METTL15: variants seen among roughly 807,000 people sequenced by gnomAD.
The protein encoded by METTL15 is methyltransferase 15, mitochondrial 12S rRNA N4-cytidine.
In METTL15, 34 loss-of-function variants were observed where a neutral mutation model predicts 38.3. The ratio of observed to expected loss-of-function variants is 0.89; its 90% CI spans 0.68 to 1.18. The LOEUF (loss-of-function observed/expected upper bound fraction) is 1.18. Ranked by LOEUF, METTL15 falls within the 50% of genes most tolerant of loss-of-function variation. METTL15 has a pLI of 0.00. For missense variants in METTL15, 438 were observed against 498.4 expected (o/e 0.88, Z 1.15); for synonymous variants, 162 against 170.9 (o/e 0.95, Z 0.41).
intron 3 of METTL15, among the ~76,000 whole-genome samples, chr11:28,156,411 A>C (rs547819665): frequency 3.3e-5 from 5 of 151,974 alleles, no homozygotes; most frequent in Admixed American, 1.3e-4. Flanking sequence ...TGTGTTAAGA[A>C]AGTGTATATT....
intron 4 of METTL15, among the ~76,000 whole-genome samples, chr11:28,246,978 C>T (rs531875997): frequency 1.3e-5 from 2 of 152,186 alleles, no homozygotes; most frequent in South Asian, 4.2e-4. Context: ...ATATAAATTG[C>T]CTCTTTCACT....
intron 4 of METTL15, among the ~76,000 whole-genome samples, chr11:28,266,395 T>C (rs1030941769): frequency 6.6e-6 from 1 of 152,168 alleles, no homozygotes; most frequent in Non-Finnish European, 1.5e-5. Flanking sequence ...AATGATGAGT[T>C]CATGTCCTTT....
intron 3 of METTL15, among the ~76,000 whole-genome samples, chr11:28,184,449 G>A (rs981675077): frequency 1.3e-5 from 2 of 151,836 alleles, no homozygotes; most frequent in Admixed American, 1.3e-4. Flanking sequence ...CAGAGATTCT[G>A]GTACGTTGTG....
rs1265032003 is a variant in METTL15 at position 28,161,120 on chromosome 11, TTTTTTTG to T, written c.270+47531_270+47537del. ...GTTTGCACCTTCCTTTTTTTTTTTT[TTTTTTTG>T]TTTTTTGTTTTTTGAGACTGTGTCT... On this transcript the variant is annotated intron_variant, in intron 3 of 6. Transcript: ENST00000407364. Among the ~76,000 whole-genome samples the T allele has an allele frequency of 1.3e-4, 11 of 86,598 alleles. No individual in the cohort carries two copies. The South Asian group carries it at 1.9e-3, about 15-fold the overall frequency. 56.8% of individuals were successfully genotyped at this position (86,598 alleles called of 152,430 possible).
At position 28,503,681 on chromosome 11, in the gene METTL15, C is replaced by T. The variant is rs560197868; in HGVS notation, c.*425-22797C>T. On this transcript the variant is annotated intron_variant and NMD_transcript_variant, in intron 6 of 7. Coordinates refer to the METTL15 transcript ENST00000532947. ...TGGCACGCACCTGTAATCCCAGCTACTCTGGGGGCTGAGGCAGGAGAATTG... is the reference window on the plus strand; with the variant it reads ...TGGCACGCACCTGTAATCCCAGCTATTCTGGGGGCTGAGGCAGGAGAATTG... 2.6e-5 allele frequency among the ~76,000 whole-genome samples: 4 copies of T among 151,976 alleles called. No homozygotes were observed. In the South Asian group the frequency reaches 6.2e-4, roughly 24 times the overall value.
intron 3 of METTL15, among the ~76,000 whole-genome samples, chr11:28,141,012 C>T (rs769732265): frequency 2.0e-4 from 31 of 152,226 alleles, no homozygotes; most frequent in Non-Finnish European, 3.5e-4. Context: ...TCTTCTTGCC[C>T]GATGCCCAGA....
intron 6 of METTL15, among the ~76,000 whole-genome samples, chr11:28,520,910 A>G (rs1479672287): frequency 3.9e-5 from 6 of 152,222 alleles, no homozygotes; most frequent in African/African-American, 1.2e-4. Flanking sequence ...CTGGATTCTA[A>G]CTTATGAAAA....
At chr11:28,180,402 C>T (rs1851239763) in intron 3 of METTL15, among the ~76,000 whole-genome samples, 1 of 151,828 alleles carries the variant, frequency 6.6e-6, no homozygotes, top group Admixed American at 6.6e-5. Context: ...AAAATATAGT[C>T]TGTTTTTATT....
At chr11:28,232,572 T>C (rs1461604669) in intron 4 of METTL15, among the ~76,000 whole-genome samples, 2 of 151,822 alleles carry the variant, frequency 1.3e-5, no homozygotes, top group Non-Finnish European at 2.9e-5. Flanking sequence ...TAAAAAGTAC[T>C]TTTTATATGA....
chr11:28,290,740 A>G (rs962010443), intron 5 of METTL15, among the ~76,000 whole-genome samples: 4 of 152,138 alleles, frequency 2.6e-5, no homozygotes, highest in African/African-American at 9.6e-5. Context: ...TGCATGCCCA[A>G]CTATGCCTCT....
At chr11:28,291,231 G>T (rs533477217) in intron 5 of METTL15, among the ~76,000 whole-genome samples, 6 of 152,004 alleles carry the variant, frequency 3.9e-5, no homozygotes, top group African/African-American at 1.4e-4. Context: ...TGTATTAGTA[G>T]AGACGGAGTT....
intron 4 of METTL15, among the ~76,000 whole-genome samples, chr11:28,259,083 G>A (rs1366375235): frequency 6.6e-6 from 1 of 152,010 alleles, no homozygotes. Context: ...TGGCTCTCCA[G>A]TTAACAGGTA....
intron 6 of METTL15, among the ~76,000 whole-genome samples, chr11:28,439,510 C>T (rs1361203432): frequency 1.3e-5 from 2 of 152,182 alleles, no homozygotes; most frequent in African/African-American, 2.4e-5. Context: ...AGTATCTTGT[C>T]TCATTGTGTA....
intron 5 of METTL15, among the ~76,000 whole-genome samples, chr11:28,387,950 A>C (rs990683801): frequency 2.0e-5 from 3 of 152,170 alleles, no homozygotes; most frequent in Admixed American, 2.0e-4. Flanking sequence ...GACAAAATTT[A>C]CATGATCATC....
At chr11:28,270,713 T>G (rs1349389176) in intron 4 of METTL15, among the ~76,000 whole-genome samples, 1 of 152,338 alleles carries the variant, frequency 6.6e-6, no homozygotes, top group East Asian at 1.9e-4. Context: ...TAACTCAATG[T>G]CTGGCACATA....
intron 6 of METTL15, among the ~76,000 whole-genome samples, chr11:28,466,036 CAG>C (rs755222729): frequency 2.6e-5 from 4 of 152,140 alleles, no homozygotes; most frequent in Admixed American, 6.5e-5. Flanking sequence ...TTGCATGAGA[CAG>C]AAACTTAGCT....
At chr11:28,376,632 T>G (rs1167051060) in intron 5 of METTL15, among the ~76,000 whole-genome samples, 7 of 152,216 alleles carry the variant, frequency 4.6e-5, no homozygotes, top group African/African-American at 1.7e-4. Flanking sequence ...GTCTGTGTCT[T>G]TTAATTGGAG....
At chr11:28,298,058 C>T (rs1484772359) in intron 6 of METTL15, among the ~76,000 whole-genome samples, 2 of 151,874 alleles carry the variant, frequency 1.3e-5, no homozygotes, top group Non-Finnish European at 2.9e-5. Flanking sequence ...AGCCACATAT[C>T]TCAGGGCCCT....
chr11:28,237,231 A>G (rs1256101102), intron 4 of METTL15, among the ~76,000 whole-genome samples: 1 of 152,148 alleles, frequency 6.6e-6, no homozygotes, highest in Non-Finnish European at 1.5e-5. Context: ...CATCACTTTC[A>G]GGTACACCAA....
Sources: allele counts gnomAD v4.1 joint callset (sites outside exome capture counted in the v4.1 genomes callset), GRCh38; gene constraint gnomAD v4.1.1; transcripts MANE v1.5; gene names NCBI Gene and HGNC (gene_info 2026-07-23, HGNC 2026-07-21).